Variants in ADAR observed in about 807,000 individuals in gnomAD.
ADAR encodes the protein adenosine deaminase RNA specific, also known as double-stranded RNA-specific adenosine deaminase.
Under a neutral mutation model 113.2 loss-of-function variants are expected in ADAR, and 41 were observed. The ratio of observed to expected loss-of-function variants is 0.36; its 90% confidence interval spans 0.28 to 0.47. The LOEUF (loss-of-function observed/expected upper bound fraction) is 0.47. ADAR is among the 20% of genes least tolerant of loss of function. ADAR has a pLI of 1.00. For synonymous variants in ADAR, 605 were observed against 572.6 expected, an observed-to-expected ratio of 1.06 and a Z score of -0.81; for missense variants, 1,242 against 1,540.9, an observed-to-expected ratio of 0.81 and a Z score of 3.25.
Position 154,589,934 on chromosome 1 carries a change from G to A in ADAR, c.2497-6C>T, listed in dbSNP as rs753087385. 1 of 1,613,886 alleles carries A rather than the reference G, an allele frequency of 6.2e-7. No homozygotes were observed. The highest frequency in any genetic ancestry group is 1.7e-5 in the Admixed American group (1 of 60,006). Reference sequence around the variant, plus strand: ...GTGCTGCCAGTGAGAGGGAGCTGTGGGGAAAAGAGGCTGTGTCAGCACCAC... The same window carrying A: ...GTGCTGCCAGTGAGAGGGAGCTGTGAGGAAAAGAGGCTGTGTCAGCACCAC... On this transcript the variant is annotated splice_region_variant and splice_polypyrimidine_tract_variant and intron_variant, in intron 7 of 14. Transcript: ENST00000368474.
chr1:154,603,719 G>A (rs1391806781), intron 1 of ADAR, among the ~76,000 whole-genome samples: 1 of 152,078 alleles, frequency 6.6e-6, no homozygotes, highest in South Asian at 2.1e-4. Context: ...TTATAAGCCT[G>A]GGGGTGTCAG....
At position 154,596,881 on chromosome 1, in the gene ADAR, A is replaced by G. The variant is rs749696562; in HGVS notation, c.2194T>C (p.Leu732=). The G allele has an allele frequency of 6.2e-6, 10 of 1,614,174 alleles. No individual in the cohort carries two copies. Among genetic ancestry groups the G allele is most frequent in the Middle Eastern group, 1.7e-4 (1 of 6,058 alleles). ...YLNTNPVGGL[L]EYARSHGFAA... ...AAGCCATGGGAGCGGGCGTACTCCAAAAGGCCACCCACAGGGTTGGTGTTC... is the reference window on the plus strand; with the variant it reads ...AAGCCATGGGAGCGGGCGTACTCCAGAAGGCCACCCACAGGGTTGGTGTTC... Residue 732 remains leucine (L), a synonymous_variant, in exon 6 of 15, where the codon TTG becomes CTG. Coordinates refer to ENST00000368474, the MANE Select transcript of ADAR (RefSeq NM_001111.5).
chr1:154,626,003 CA>C (rs60388172), intron 1 of ADAR, among the ~76,000 whole-genome samples: 41,745 of 82,440 alleles, frequency 0.51, 6,655 homozygotes, highest in Middle Eastern at 0.55. Flanking sequence ...GACTCTGTCT[CA>C]AAAAAAAAAA....
At position 154,585,045 on chromosome 1, in the gene ADAR, T is replaced by C. The variant is rs1696657257; in HGVS notation, c.3444-2A>G. 6.2e-7 allele frequency: 1 copy of C among 1,613,680 alleles called. No individual in the cohort carries two copies. The highest frequency in any genetic ancestry group is 1.7e-5 in the Admixed American group (1 of 60,010). ...ACCCGGGACAATTCATTCCGTGGCCTAGAGAAACAAAAGCACTCATTATTC... is the reference window on the plus strand; with the variant it reads ...ACCCGGGACAATTCATTCCGTGGCCCAGAGAAACAAAAGCACTCATTATTC... On this transcript the variant is annotated splice_acceptor_variant, in intron 14 of 14. Transcript: ENST00000368474. LOFTEE classifies it high-confidence loss of function.
At position 154,602,505 on chromosome 1, in the gene ADAR, A is replaced by G; in HGVS notation, c.137T>C (p.Phe46Ser). Residue 46 changes from phenylalanine to serine, a missense_variant, in exon 2 of 15, where the codon TTT becomes TCT. Phe to Ser is a radical substitution (Grantham distance 155). This residue lies in a region of ADAR where 462 missense variants were observed against 483.1 expected (regional missense o/e 0.96). Transcript: ENST00000368474. Reference protein sequence around the residue: ...PSSFLLKQIEFLKGQLPEAPV... With the variant: ...PSSFLLKQIESLKGQLPEAPV... Reference sequence around the variant, plus strand: ...TGCTTCTGGGAGCTGCCCCTTGAGAAATTCTATTTGCTTAAGCAGGAAACT... The same window carrying G: ...TGCTTCTGGGAGCTGCCCCTTGAGAGATTCTATTTGCTTAAGCAGGAAACT... The G allele has an allele frequency of 6.2e-7, 1 of 1,614,210 alleles. No individual in the cohort carries two copies. The highest frequency in any genetic ancestry group is 8.5e-7 in the Non-Finnish European group (1 of 1,180,032).
In ADAR at chr1:154,584,657, AC is replaced by A; in HGVS notation, c.*148del. ...CCCAAAGAAAGCAGGATAAATGGGA[AC>A]CCAAAGTTTTCAGTATCACCAATTA... On this transcript the variant is annotated 3_prime_UTR_variant, in exon 15 of 15. Transcript: ENST00000368474. 1 of 757,328 alleles carries A rather than the reference AC, an allele frequency of 1.3e-6. No homozygotes were observed. The highest frequency in any genetic ancestry group is 2.5e-5 in the East Asian group (1 of 40,604). The allele number at this position is 757,328 out of a possible 1,614,324, so 46.9% of individuals were successfully genotyped here.
intron 1 of ADAR, among the ~76,000 whole-genome samples, chr1:154,627,422 G>A (rs1193109428): frequency 6.6e-6 from 1 of 152,230 alleles, no homozygotes. Context: ...AGAAGGCGCA[G>A]CAAAAGCGCC....
chr1:154,585,388 G>C, intron 13 of ADAR, 44 bp from the exon 14 acceptor site: 13 of 1,613,600 alleles, frequency 8.1e-6, no homozygotes, highest in South Asian at 1.1e-5. Context: ...AAACCTTTCA[G>C]GAATAAGATT....
upstream of ADAR, among the ~76,000 whole-genome samples, chr1:154,610,022 A>G (rs1376679087): frequency 6.6e-6 from 1 of 152,216 alleles, no homozygotes; most frequent in African/African-American, 2.4e-5. Flanking sequence ...GGCAAAAACA[A>G]TCGAAAGACA....
At chr1:154,604,303 T>C (rs1698057340) in intron 1 of ADAR, among the ~76,000 whole-genome samples, 1 of 152,246 alleles carries the variant, frequency 6.6e-6, no homozygotes, top group Admixed American at 6.5e-5. Flanking sequence ...CTTACTCTGG[T>C]GGAACCTGCT....
chr1:154,617,507 G>A (rs1698665693), intron 1 of ADAR, among the ~76,000 whole-genome samples: 1 of 152,182 alleles, frequency 6.6e-6, no homozygotes, highest in Admixed American at 6.5e-5. Context: ...AGGAAGATGT[G>A]TGAGGACCCC....
At chr1:154,618,786 C>A (rs9427105) in intron 1 of ADAR, among the ~76,000 whole-genome samples, 151,906 of 152,304 alleles carry the variant, frequency 1, 75,755 homozygotes, top group Non-Finnish European at 1. Context: ...AATGTATTGA[C>A]AGACTAAGTG....
rs1306425091 is a variant in ADAR, at chr1:154,584,011, G to A, written c.*795C>T. The A allele has an allele frequency of 6.6e-6, 1 of 152,260 alleles. No homozygotes were observed. Among genetic ancestry groups the A allele is most frequent in the African/African-American group, 2.4e-5 (1 of 41,462 alleles). 9.4% of individuals were successfully genotyped at this position (152,260 alleles called of 1,614,324 possible). A position where few individuals can be genotyped will look rare whatever the true frequency, so the allele number is the denominator to read the frequency against. On this transcript the variant is annotated 3_prime_UTR_variant, in exon 15 of 15. Transcript: ENST00000368474. ...GCATGCCCGTGCTCCCTGGGAAGTG[G>A]TCTGTGTCATCCTGCCGGGTGAAAC...
At chr1:154,592,554 T>C (rs147410530) in intron 6 of ADAR, among the ~76,000 whole-genome samples, 136 of 152,086 alleles carry the variant, frequency 8.9e-4, no homozygotes, top group Admixed American at 2.3e-3. Flanking sequence ...AGGAAGGGAT[T>C]TGGGATAGAA....
At position 154,588,183 on chromosome 1, in the gene ADAR, G is replaced by A; in HGVS notation, c.2961C>T (p.Arg987=). 1 of 1,614,064 alleles carries A rather than the reference G, an allele frequency of 6.2e-7. No individual in the cohort carries two copies. Among genetic ancestry groups the A allele is most frequent in the Non-Finnish European group, 8.5e-7 (1 of 1,179,982 alleles). ...SDRAMESTES[R]HYPVFENPKQ... ...TGGGATTCTCGAAGACAGGGTAGTGGCGGGATTCTGTGCTTTCCATAGCAC... is the reference window on the plus strand; with the variant it reads ...TGGGATTCTCGAAGACAGGGTAGTGACGGGATTCTGTGCTTTCCATAGCAC... The change falls in exon 11 of 15, where the codon CGC becomes CGT. Residue 987 remains arginine, a synonymous_variant. Coordinates refer to ENST00000368474, the MANE Select transcript of ADAR (RefSeq NM_001111.5).
chr1:154,584,724 G>T lies in ADAR; in HGVS notation c.*82C>A. On this transcript the variant is annotated 3_prime_UTR_variant, in exon 15 of 15. Transcript: ENST00000368474. ...AAAAAAGGAGAAAAAAAAATCCCCT[G>T]ACCATGTGATGAGGAATGCTACGAC... 2.5e-6 allele frequency: 3 copies of T among 1,216,706 alleles called. No homozygotes were observed. The highest frequency in any genetic ancestry group is 2.6e-5 in the South Asian group (2 of 76,760). 75.4% of individuals were successfully genotyped at this position (1,216,706 alleles called of 1,614,324 possible).
chr1:154,626,667 G>C (rs1477931697), intron 1 of ADAR, among the ~76,000 whole-genome samples: 1 of 152,104 alleles, frequency 6.6e-6, no homozygotes, highest in East Asian at 1.9e-4. Context: ...TAGACACTTC[G>C]AATTCTGACA....
At chr1:154,620,183 T>C (rs1571148953) in intron 1 of ADAR, among the ~76,000 whole-genome samples, 1 of 152,102 alleles carries the variant, frequency 6.6e-6, no homozygotes, top group South Asian at 2.1e-4. Context: ...CCAAGGCGGG[T>C]GGACCACAAG....
Position 154,601,130 on chromosome 1 carries a change from G to A in ADAR, c.1512C>T (p.Pro504=). The change falls in exon 2 of 15, where the codon CCC becomes CCT. Residue 504 remains proline, a synonymous_variant. Coordinates refer to ENST00000368474, the MANE Select transcript of ADAR (RefSeq NM_001111.5). This position sits in a 1 kb window ranked among gnomAD's most constrained non-coding sequence, Gnocchi z 4.7. ...GGGCATATTCTAACAGCCCGCTGATGGGGTTCTTCAGCTGGCACTCTGTCA... is the reference window on the plus strand; with the variant it reads ...GGGCATATTCTAACAGCCCGCTGATAGGGTTCTTCAGCTGGCACTCTGTCA... ...KKLTECQLKN[P]ISGLLEYAQF... is the part of the protein sequence containing the mutation. The A allele has an allele frequency of 6.2e-7, 1 of 1,614,212 alleles. No individual in the cohort carries two copies. The highest frequency in any genetic ancestry group is 8.5e-7 in the Non-Finnish European group (1 of 1,180,046).
Sources: allele counts gnomAD v4.1 joint callset (sites outside exome capture counted in the v4.1 genomes callset), GRCh38; gene constraint gnomAD v4.1.1; regional missense constraint gnomAD v4.1.1; non-coding constraint Gnocchi (gnomAD v3.1); transcripts MANE v1.5; gene names NCBI Gene and HGNC (gene_info 2026-07-23, HGNC 2026-07-21).